CNDP1: variants seen among roughly 807,000 people sequenced by gnomAD.
The protein encoded by CNDP1 is beta-Ala-His dipeptidase.
A neutral mutation model predicts 58.1 loss-of-function variants in CNDP1; 44 were observed. The ratio of observed to expected loss-of-function variants is 0.76; its 90% CI spans 0.60 to 0.97. The LOEUF (loss-of-function observed/expected upper bound fraction) is 0.97. CNDP1 is among the 50% of genes least tolerant of loss of function. The pLI is 0.00. For missense variants in CNDP1, 616 were observed against 655.1 expected, an observed-to-expected ratio of 0.94 and a Z score of 0.65; for synonymous variants, 254 against 252.6, an observed-to-expected ratio of 1.01 and a Z score of -0.05.
intron 1 of CNDP1, among the ~76,000 whole-genome samples, chr18:74,544,522 G>C (rs1248030329): frequency 6.6e-6 from 1 of 152,026 alleles, no homozygotes; most frequent in East Asian, 1.9e-4. Flanking sequence ...TTCGAGACCA[G>C]CCAGGCCAAC....
intron 8 of CNDP1, chr18:74,577,957 T>G: frequency 1.7e-5 from 8 of 482,328 alleles, no homozygotes; most frequent in Admixed American, 3.7e-5. Flanking sequence ...ATGGGGAGCA[T>G]TGGTAGTGAT....
At chr18:74,542,641 C>T (rs561612070) in intron 1 of CNDP1, among the ~76,000 whole-genome samples, 2 of 152,354 alleles carry the variant, frequency 1.3e-5, no homozygotes, top group South Asian at 4.1e-4. Flanking sequence ...CCTCCCACCT[C>T]AAACCTCCTG....
chr18:74,541,131 G>A (rs1332606264), intron 1 of CNDP1, among the ~76,000 whole-genome samples: 1 of 152,214 alleles, frequency 6.6e-6, no homozygotes, highest in Non-Finnish European at 1.5e-5. Flanking sequence ...AAAGTGGAGG[G>A]GGAAATGGGG....
chr18:74,570,068 G>A (rs1308737519), intron 6 of CNDP1, among the ~76,000 whole-genome samples: 14 of 149,732 alleles, frequency 9.4e-5, no homozygotes, highest in South Asian at 2.1e-4. Context: ...GCATGGTGGC[G>A]TGCACCTGTA....
At chr18:74,560,706 A>G in intron 3 of CNDP1, 150 bp from the exon 4 acceptor site, 1 of 771,300 alleles carries the variant, frequency 1.3e-6, no homozygotes, top group Non-Finnish European at 2.2e-6. Context: ...AAAAAGAAAA[A>G]AAAAGTGTTT....
intron 9 of CNDP1, 112 bp from the exon 10 acceptor site, chr18:74,580,018 A>C: frequency 1.1e-6 from 1 of 929,890 alleles, no homozygotes; most frequent in South Asian, 1.7e-5. Flanking sequence ...CAGTTTCTTG[A>C]TGGAAGAGGC....
At chr18:74,566,702 T>A (rs1389041789) in intron 5 of CNDP1, among the ~76,000 whole-genome samples, 1 of 152,236 alleles carries the variant, frequency 6.6e-6, no homozygotes, top group Non-Finnish European at 1.5e-5. Flanking sequence ...TCAATAAGTC[T>A]CTAGGAAGTT....
In CNDP1 at chr18:74,556,403, G is replaced by GC. The variant is rs922958952; in HGVS notation, c.95dup (p.Ala33GlyfsTer11). ...GCGGCATGTTCTCCTCACCCTCCCC[G>GC]CCCCCGGCGCTGTTAGAGAAAGTCT... On this transcript the variant is annotated frameshift_variant, in exon 2 of 12. Coordinates refer to ENST00000358821, the MANE Select transcript of CNDP1 (RefSeq NM_032649.6). LOFTEE classifies it high-confidence loss of function. 3 of 1,613,970 alleles carry GC rather than the reference G, an allele frequency of 1.9e-6. No individual in the cohort carries two copies. In the African/African-American group the frequency reaches 4.0e-5, roughly 22 times the overall value.
chr18:74,584,935 C>G lies in CNDP1; in HGVS notation c.*373C>G, dbSNP rs978631780. 5.5e-6 allele frequency: 1 copy of G among 181,766 alleles called. No individual in the cohort carries two copies. The highest frequency in any genetic ancestry group is 2.3e-5 in the African/African-American group (1 of 42,834). 11.3% of individuals were successfully genotyped at this position (181,766 alleles called of 1,614,324 possible). ...TCTAGGTCCTCAAGTGCTCGTGACA[C>G]ATAATCATTCCATCCAATGATCGCC... is the stretch of plus-strand genomic sequence containing the variant. On this transcript the variant is annotated 3_prime_UTR_variant, in exon 12 of 12. Transcript: ENST00000358821.
At chr18:74,577,189 C>T (rs1477120994) in intron 8 of CNDP1, 160 bp downstream of exon 8, 1 of 606,580 alleles carries the variant, frequency 1.6e-6, no homozygotes, top group East Asian at 3.2e-5. Context: ...GCCACTTCCC[C>T]GTGGGCTGGA....
intron 11 of CNDP1, chr18:74,584,073 G>C (rs756730584): frequency 2.0e-5 from 6 of 299,196 alleles, no homozygotes; most frequent in Non-Finnish European, 3.1e-5. Flanking sequence ...CAGACACACT[G>C]GGGGGTTAGG....
At chr18:74,578,555 G>A (rs1981694674) in intron 9 of CNDP1, among the ~76,000 whole-genome samples, 1 of 151,942 alleles carries the variant, frequency 6.6e-6, no homozygotes, top group Non-Finnish European at 1.5e-5. Context: ...TAAGCCCAGG[G>A]GTTTAAGGCT....
rs1599095144 is a variant in CNDP1 at position 74,562,258 on chromosome 18, A to G, written c.555+123A>G. 8.6e-6 allele frequency: 7 copies of G among 818,706 alleles called. No homozygotes were observed. In the East Asian group the frequency reaches 1.8e-4, roughly 21 times the overall value. The allele number at this position is 818,706 out of a possible 1,614,324, so 50.7% of individuals were successfully genotyped here. A position where few individuals can be genotyped will look rare whatever the true frequency, so the allele number is the denominator to read the frequency against. Reference sequence around the variant, plus strand: ...ACTTACTCGCCCCAACAATCTTTGGAGGTGTGTGCGACAATGGTATCCATT... The same window carrying G: ...ACTTACTCGCCCCAACAATCTTTGGGGGTGTGTGCGACAATGGTATCCATT... On this transcript the variant is annotated intron_variant, in intron 5 of 11. Coordinates refer to ENST00000358821, the MANE Select transcript of CNDP1 (RefSeq NM_032649.6).
chr18:74,546,733 G>A (rs571671853), intron 1 of CNDP1, among the ~76,000 whole-genome samples: 7 of 152,292 alleles, frequency 4.6e-5, no homozygotes, highest in Admixed American at 1.3e-4. Context: ...CCCTGGCTTC[G>A]GCAGTCTCTG....
At position 74,537,346 on chromosome 18, in the gene CNDP1, T is replaced by C. The variant is rs139244383; in HGVS notation, c.24+2655T>C. On this transcript the variant is annotated intron_variant, in intron 1 of 11. Transcript: ENST00000358821. ...AGGAAGGGGTCCAGTTTCAATCTTC[T>C]GCATATGGCTAATGGCTAGCCAGTT... Among the ~76,000 whole-genome samples, 22 of 152,360 alleles carry C rather than the reference T, an allele frequency of 1.4e-4. No homozygotes were observed. In the East Asian group the frequency reaches 2.3e-3, roughly 16 times the overall value.
intron 6 of CNDP1, among the ~76,000 whole-genome samples, chr18:74,569,598 G>C (rs1294427626): frequency 6.6e-6 from 1 of 152,110 alleles, no homozygotes; most frequent in Admixed American, 6.5e-5. Flanking sequence ...CCTTAAATTA[G>C]CGTGAGCACC....
At chr18:74,546,966 C>A (rs1280492648) in intron 1 of CNDP1, among the ~76,000 whole-genome samples, 1 of 152,188 alleles carries the variant, frequency 6.6e-6, no homozygotes, top group Non-Finnish European at 1.5e-5. Flanking sequence ...GTTCTTGAGA[C>A]TTTCTGGGGA....
intron 11 of CNDP1, 30 bp downstream of exon 11, chr18:74,583,738 CTCTT>C (rs1309776190): frequency 1.9e-6 from 3 of 1,611,524 alleles, no homozygotes; most frequent in Non-Finnish European, 2.5e-6. Context: ...ATGTGCCTCT[CTCTT>C]CTTCCTTTAC....
rs1555710938 is a variant in CNDP1 at position 74,573,444 on chromosome 18, G to GTATCTATGTATCTATC, written c.841+2182_841+2197dup. ...TCCATCCATCCAACTATCTATCTAT[G>GTATCTATGTATCTATC]TATCTATGTATCTATCTATCTATCT... is the stretch of plus-strand genomic sequence containing the variant. On this transcript the variant is annotated intron_variant, in intron 7 of 11. Coordinates refer to ENST00000358821, the MANE Select transcript of CNDP1 (RefSeq NM_032649.6). 1.4e-4 allele frequency among the ~76,000 whole-genome samples: 21 copies of GTATCTATGTATCTATC among 147,196 alleles called. No individual in the cohort carries two copies. In the East Asian group the frequency reaches 3.6e-3, roughly 25 times the overall value.
Sources: allele counts gnomAD v4.1 joint callset (sites outside exome capture counted in the v4.1 genomes callset), GRCh38; gene constraint gnomAD v4.1.1; transcripts MANE v1.5; gene names NCBI Gene and HGNC (gene_info 2026-07-23, HGNC 2026-07-21).